GPATCH2L: variants seen among roughly 807,000 people sequenced by gnomAD.
GPATCH2L encodes G patch domain-containing protein 2-like.
A neutral mutation model predicts 57.4 loss-of-function variants in GPATCH2L; 31 were observed. That is an observed-to-expected ratio of 0.54 (90% CI 0.41 to 0.73). The LOEUF (loss-of-function observed/expected upper bound fraction) is 0.73. Ranked by LOEUF, GPATCH2L falls within the 30% of genes least tolerant of loss-of-function variation. GPATCH2L has a pLI of 0.00. For synonymous variants in GPATCH2L, 199 were observed against 210.7 expected (o/e 0.94, Z 0.48); for missense variants, 481 against 599.9 (o/e 0.80, Z 2.07).
downstream of GPATCH2L, chr14:76,214,438 C>G (rs563685479): frequency 6.6e-6 from 1 of 152,254 alleles, no homozygotes; most frequent in South Asian, 2.1e-4. Context: ...TGCTACCTTA[C>G]CTAATTTTTT....
chr14:76,216,856 C>A (rs1007567959), downstream of GPATCH2L, among the ~76,000 whole-genome samples: 4 of 152,048 alleles, frequency 2.6e-5, no homozygotes, highest in Non-Finnish European at 5.9e-5. Context: ...ATAGAAAATT[C>A]TGAAACAGGC....
intron 8 of GPATCH2L, 63 bp from the exon 9 acceptor site, chr14:76,195,815 A>G (rs760918956): frequency 3.5e-4 from 424 of 1,215,658 alleles, no homozygotes; most frequent in Non-Finnish European, 4.7e-4. Context: ...TCTGGGCTAC[A>G]TGTAATGTCT....
At chr14:76,175,478 T>C (rs1369663083) in intron 5 of GPATCH2L, 1 of 151,552 alleles carries the variant, frequency 6.6e-6, no homozygotes, top group Non-Finnish European at 1.5e-5. Flanking sequence ...CACAAAGTAC[T>C]GCTTGTAATT....
At chr14:76,191,996 C>T (rs997350679) in intron 8 of GPATCH2L, among the ~76,000 whole-genome samples, 1 of 151,992 alleles carries the variant, frequency 6.6e-6, no homozygotes, top group African/African-American at 2.4e-5. Context: ...ATGAGATCAA[C>T]TTTTTTAAGC....
chr14:76,166,752 C>A lies in GPATCH2L; in HGVS notation c.727+25C>A, dbSNP rs1337364488. ...GGTAATGTCGATCCCAGCTTTGGGA[C>A]CTTGGTTCCGTGTTTATGGAAATAT... On this transcript the variant is annotated intron_variant, in intron 3 of 9. Transcript: ENST00000261530. The A allele has an allele frequency of 2.6e-6, 4 of 1,513,398 alleles. No individual in the cohort carries two copies. In the East Asian group the frequency reaches 9.0e-5, roughly 34 times the overall value. 93.7% of individuals were successfully genotyped at this position (1,513,398 alleles called of 1,614,324 possible).
At chr14:76,232,011 A>ATTGCAGCCTCACTGCAGCCTCACTGC in intron 2 of GPATCH2L, among the ~76,000 whole-genome samples, 1 of 150,440 alleles carries the variant, frequency 6.6e-6, no homozygotes, top group Non-Finnish European at 1.5e-5. Flanking sequence ...CTGCAGGCTC[A>ATTGCAGCCTCACTGCAGCCTCACTGC]AGCAATCTTC....
downstream of GPATCH2L, among the ~76,000 whole-genome samples, chr14:76,218,676 TAAAAAAAGA>T (rs1221054498): frequency 6.6e-6 from 1 of 151,738 alleles, no homozygotes; most frequent in Non-Finnish European, 1.5e-5. Context: ...AAGTTCATAT[TAAAAAAAGA>T]TAGAGGGAGA....
intron 9 of GPATCH2L, among the ~76,000 whole-genome samples, chr14:76,201,414 G>A (rs750120956): frequency 1.3e-5 from 2 of 152,144 alleles, no homozygotes; most frequent in Non-Finnish European, 2.9e-5. Context: ...ACATAAGTAC[G>A]TAATAAGTGA....
intron 1 of GPATCH2L, among the ~76,000 whole-genome samples, chr14:76,224,552 G>A (rs112943508): frequency 0.022 from 3,374 of 151,988 alleles, 76 homozygotes; most frequent in South Asian, 0.077. Flanking sequence ...TCTTTAAATT[G>A]GTAAAGATCA....
chr14:76,166,867 G>A (rs1345680872), intron 3 of GPATCH2L, 140 bp downstream of exon 3: 1 of 678,766 alleles, frequency 1.5e-6, no homozygotes, highest in African/African-American at 1.8e-5. Context: ...AGTCACCTAG[G>A]GAACTGTTAA....
Position 76,171,826 on chromosome 14 carries a change from T to C in GPATCH2L, c.728-17T>C, listed in dbSNP as rs2039099851. On this transcript the variant is annotated splice_polypyrimidine_tract_variant and intron_variant, in intron 3 of 9. Transcript: ENST00000261530. ...TTGTTTAAAATTCTAGCTTATGATA[T>C]GATGTCTTTACTTTAGGTGATGACG... The C allele has an allele frequency of 6.7e-7, 1 of 1,492,898 alleles. No individual in the cohort carries two copies. The highest frequency in any genetic ancestry group is 9.0e-7 in the Non-Finnish European group (1 of 1,106,210). 92.5% of individuals were successfully genotyped at this position (1,492,898 alleles called of 1,614,324 possible). A position where few individuals can be genotyped will look rare whatever the true frequency, so the allele number is the denominator to read the frequency against.
rs570112204 is a variant in GPATCH2L, at chr14:76,207,633, C to T, written c.*5782C>T. 1 of 152,230 alleles carries T rather than the reference C, an allele frequency of 6.6e-6. No homozygotes were observed. Among genetic ancestry groups the T allele is most frequent in the Non-Finnish European group, 1.5e-5 (1 of 68,014 alleles). 9.4% of individuals were successfully genotyped at this position (152,230 alleles called of 1,614,324 possible). ...TTGCTAGGACTGAATCTCAGTACTT[C>T]AGAGCATGTAAAAATCAATTTTCTG... On this transcript the variant is annotated 3_prime_UTR_variant, in exon 10 of 10. Transcript: ENST00000261530.
intron 1 of GPATCH2L, chr14:76,153,549 T>C (rs1250255183): frequency 2.6e-5 from 4 of 152,244 alleles, no homozygotes; most frequent in Admixed American, 6.5e-5. Flanking sequence ...TTTTCTGTGA[T>C]TGTGTGGCAC....
chr14:76,197,929 A>T (rs2040205778), intron 9 of GPATCH2L, among the ~76,000 whole-genome samples: 1 of 152,158 alleles, frequency 6.6e-6, no homozygotes, highest in East Asian at 1.9e-4. Context: ...ATGCAGCCAC[A>T]AATCTTTTCC....
At chr14:76,195,148 C>T (rs997305252) in intron 8 of GPATCH2L, among the ~76,000 whole-genome samples, 1 of 152,106 alleles carries the variant, frequency 6.6e-6, no homozygotes, top group African/African-American at 2.4e-5. Flanking sequence ...GGGACAAAAT[C>T]TTCACATACG....
At chr14:76,160,082 C>T (rs146354027) in intron 2 of GPATCH2L, among the ~76,000 whole-genome samples, 243 of 151,596 alleles carry the variant, frequency 1.6e-3, no homozygotes, top group African/African-American at 5.5e-3. Flanking sequence ...TGCAGTGAGC[C>T]GAGATCACAC....
intron 7 of GPATCH2L, among the ~76,000 whole-genome samples, chr14:76,180,414 T>G (rs1488242912): frequency 6.6e-6 from 1 of 152,224 alleles, no homozygotes; most frequent in Admixed American, 6.5e-5. Flanking sequence ...CATGCTAATC[T>G]TCTTGGGAAC....
Position 76,230,018 on chromosome 14 carries a change from A to G in GPATCH2L, c.*117+65A>G, listed in dbSNP as rs1262431361. On this transcript the variant is annotated intron_variant and NMD_transcript_variant, in intron 2 of 3. Coordinates refer to the GPATCH2L transcript ENST00000556372. ...TATTGCCTATAGCAATATCATTCTC[A>G]ATATAAAACAAAGTGCAGGTTTCAA... 2.0e-5 allele frequency: 3 copies of G among 152,202 alleles called. No individual in the cohort carries two copies. In the East Asian group the frequency reaches 5.8e-4, roughly 29 times the overall value. 9.4% of individuals were successfully genotyped at this position (152,202 alleles called of 1,614,324 possible).
intron 1 of GPATCH2L, among the ~76,000 whole-genome samples, chr14:76,223,432 A>C (rs117729125): frequency 0.022 from 3,374 of 152,292 alleles, 75 homozygotes; most frequent in South Asian, 0.077. Context: ...AAAATTAACT[A>C]AAAACATATC....
Sources: gnomAD v4.1 joint callset for allele counts (sites outside exome capture counted in the v4.1 genomes callset) on GRCh38, gnomAD v4.1.1 for gene constraint, MANE v1.5 for transcripts, NCBI Gene and HGNC (gene_info 2026-07-23, HGNC 2026-07-21) for gene names.